The following TRHDE variants were observed in gnomAD, a reference collection of about 807,000 sequenced individuals.
TRHDE encodes the protein thyrotropin releasing hormone degrading enzyme.
In TRHDE, 72 loss-of-function variants were observed where a neutral mutation model predicts 125.7. That is an observed-to-expected ratio of 0.57 (90% confidence interval 0.47 to 0.70). TRHDE has a LOEUF of 0.70. TRHDE is among the 30% of genes least tolerant of loss of function. TRHDE has a pLI of 0.00. For synonymous variants in TRHDE, 509 were observed against 509.1 expected, an observed-to-expected ratio of 1.00 and a Z score of 0.00; for missense variants, 1,110 against 1,327.1, an observed-to-expected ratio of 0.84 and a Z score of 2.54.
intron 2 of TRHDE, among the ~76,000 whole-genome samples, chr12:72,325,576 T>C (rs1365473100): frequency 6.6e-6 from 1 of 152,136 alleles, no homozygotes; most frequent in Non-Finnish European, 1.5e-5. Context: ...AAAGGTAGTA[T>C]TTTCCTTTTG....
intron 2 of TRHDE, among the ~76,000 whole-genome samples, chr12:72,118,655 T>C (rs1875504114): frequency 6.6e-6 from 1 of 152,156 alleles, no homozygotes; most frequent in Non-Finnish European, 1.5e-5. Context: ...TTTGGTAAAA[T>C]CCATCAGTGG....
chr12:72,546,671 T>C (rs1344353354), intron 7 of TRHDE, among the ~76,000 whole-genome samples: 1 of 151,564 alleles, frequency 6.6e-6, no homozygotes, highest in Non-Finnish European at 1.5e-5. Context: ...TAGTAATATT[T>C]CAAGCAGAAA....
intron 2 of TRHDE, among the ~76,000 whole-genome samples, chr12:72,206,336 G>A (rs562280920): frequency 4.6e-5 from 7 of 152,140 alleles, no homozygotes; most frequent in African/African-American, 1.7e-4. Context: ...CAGGCGATCC[G>A]CCTGCCTCGA....
intron 3 of TRHDE, among the ~76,000 whole-genome samples, chr12:72,389,833 G>A (rs906606070): frequency 5.9e-5 from 9 of 152,182 alleles, no homozygotes; most frequent in African/African-American, 2.2e-4. Context: ...CACATTGGCT[G>A]CCTCATGTAG....
intron 3 of TRHDE, among the ~76,000 whole-genome samples, chr12:72,414,610 C>T (rs1165352418): frequency 1.3e-5 from 2 of 152,068 alleles, no homozygotes; most frequent in African/African-American, 4.8e-5. Context: ...TAGAGACCAG[C>T]ATCTTGGCAG....
intron 15 of TRHDE, among the ~76,000 whole-genome samples, chr12:72,634,849 G>C (rs1183815494): frequency 6.6e-6 from 1 of 151,726 alleles, no homozygotes; most frequent in Non-Finnish European, 1.5e-5. Flanking sequence ...TTTTATGGCT[G>C]CATAGTATTC....
intron 3 of TRHDE, among the ~76,000 whole-genome samples, chr12:72,419,870 G>T (rs570903607): frequency 6.6e-6 from 1 of 152,264 alleles, no homozygotes; most frequent in African/African-American, 2.4e-5. Context: ...AAGATGAATT[G>T]TATCCCAGTG....
intron 9 of TRHDE, among the ~76,000 whole-genome samples, chr12:72,567,824 G>T (rs1592541798): frequency 6.6e-6 from 1 of 152,154 alleles, no homozygotes; most frequent in East Asian, 1.9e-4. Context: ...CTATTCATTT[G>T]AGATTAAACT....
chr12:72,442,523 T>A (rs1875065067), intron 3 of TRHDE, among the ~76,000 whole-genome samples: 2 of 151,918 alleles, frequency 1.3e-5, no homozygotes, highest in Non-Finnish European at 2.9e-5. Context: ...CTTGCTGCAT[T>A]TGGCGTTATT....
intron 2 of TRHDE, among the ~76,000 whole-genome samples, chr12:72,211,417 CA>C (rs560107670): frequency 3.3e-5 from 5 of 151,836 alleles, no homozygotes; most frequent in Non-Finnish European, 7.4e-5. Flanking sequence ...ACTTTAAAAC[CA>C]AAAAATATTT....
Position 72,453,923 on chromosome 12 carries a change from T to G in TRHDE, c.1316-15835T>G, listed in dbSNP as rs538874074. On this transcript the variant is annotated intron_variant, in intron 3 of 18. Coordinates refer to ENST00000261180, the MANE Select transcript of TRHDE (RefSeq NM_013381.3). ...TTCCTAAGTTGACCAGGATAAGTAT[T>G]TGGGTTTCTCAGGTGATGGGCAGTG... 2.0e-5 allele frequency among the ~76,000 whole-genome samples: 3 copies of G among 152,294 alleles called. 1 individual carries two copies. Among genetic ancestry groups the G allele is most frequent in the African/African-American group, 7.2e-5 (3 of 41,562 alleles).
chr12:72,359,097 C>A (rs1870949882), intron 2 of TRHDE, among the ~76,000 whole-genome samples: 1 of 149,874 alleles, frequency 6.7e-6, no homozygotes, highest in African/African-American at 2.4e-5. Flanking sequence ...AGTAGGTGTA[C>A]CCCACCCCCA....
At chr12:72,330,835 C>G (rs774323610) in intron 2 of TRHDE, among the ~76,000 whole-genome samples, 3 of 152,128 alleles carry the variant, frequency 2.0e-5, no homozygotes, top group Non-Finnish European at 4.4e-5. Context: ...ATCTTTAGAA[C>G]AGCGCTTCTC....
intron 2 of TRHDE, among the ~76,000 whole-genome samples, chr12:72,139,506 C>T (rs1164227750): frequency 6.6e-6 from 1 of 152,058 alleles, no homozygotes. Flanking sequence ...TTGAATCCTC[C>T]TCGGTGTTCA....
At chr12:72,342,236 C>A (rs2135731252) in intron 2 of TRHDE, among the ~76,000 whole-genome samples, 1 of 152,148 alleles carries the variant, frequency 6.6e-6, no homozygotes, top group East Asian at 1.9e-4. Context: ...TGGTTATAAC[C>A]TTTTTGCTAG....
chr12:72,367,988 C>G (rs1470100156), intron 2 of TRHDE, among the ~76,000 whole-genome samples: 2 of 152,132 alleles, frequency 1.3e-5, no homozygotes, highest in Non-Finnish European at 2.9e-5. Flanking sequence ...TTATTTAAGT[C>G]TTTAACAGGT....
At chr12:72,249,237 C>T (rs181027287) in intron 2 of TRHDE, among the ~76,000 whole-genome samples, 2 of 152,118 alleles carry the variant, frequency 1.3e-5, no homozygotes, top group East Asian at 1.9e-4. Flanking sequence ...CAAAGACATT[C>T]GTAAGCAAAA....
chr12:72,492,585 C>T (rs543314504), intron 5 of TRHDE, among the ~76,000 whole-genome samples: 1 of 151,892 alleles, frequency 6.6e-6, no homozygotes, highest in Admixed American at 6.6e-5. Context: ...AACTCTTGAT[C>T]ATATTTCTCT....
Position 72,473,256 on chromosome 12 carries a change from G to A in TRHDE, c.1584+76G>A, listed in dbSNP as rs567970128. 3.6e-6 allele frequency: 4 copies of A among 1,110,830 alleles called. No homozygotes were observed. The South Asian group carries it at 4.2e-5, about 12-fold the overall frequency. 68.8% of individuals were successfully genotyped at this position (1,110,830 alleles called of 1,614,324 possible). ...TTACATTAGGCTTATACCATCCTTA[G>A]AGATGACTAAAAATACCAACTGATG... On this transcript the variant is annotated intron_variant, in intron 5 of 18. Transcript: ENST00000261180.
Sources: gnomAD v4.1 joint callset for allele counts (sites outside exome capture counted in the v4.1 genomes callset) on GRCh38, gnomAD v4.1.1 for gene constraint, MANE v1.5 for transcripts, NCBI Gene and HGNC (gene_info 2026-07-23, HGNC 2026-07-21) for gene names.